The following DYRK1A variants were observed in gnomAD, a reference collection of about 807,000 sequenced individuals.
The protein encoded by DYRK1A is dual specificity tyrosine phosphorylation regulated kinase 1A.
A neutral mutation model predicts 79.7 loss-of-function variants in DYRK1A; 9 were observed. The observed-to-expected ratio is 0.11, with a 90% CI of 0.07 to 0.20. The LOEUF (loss-of-function observed/expected upper bound fraction) is 0.20. Among genes scored for constraint, DYRK1A ranks in the 10% least tolerant of loss-of-function variants. DYRK1A has a pLI of 1.00. For missense variants in DYRK1A, 622 were observed against 956.0 expected (o/e 0.65, Z 4.61); for synonymous variants, 349 against 329.7 (o/e 1.06, Z -0.63).
At chr21:37,476,722 T>C (rs2052403914) in intron 3 of DYRK1A, among the ~76,000 whole-genome samples, 2 of 151,598 alleles carry the variant, frequency 1.3e-5, no homozygotes, top group Non-Finnish European at 2.9e-5. Flanking sequence ...TTAGCTACTG[T>C]TTAGAAAAGT....
At chr21:37,462,803 G>C (rs2148530778) in intron 2 of DYRK1A, among the ~76,000 whole-genome samples, 1 of 152,260 alleles carries the variant, frequency 6.6e-6, no homozygotes, top group Non-Finnish European at 1.5e-5. Context: ...AAACCAGGGG[G>C]ATTGTAGGGC....
chr21:37,382,208 TTTTTTTTTTTAAAAAAAAAAATTAAA>T (rs2049671299), intron 1 of DYRK1A, among the ~76,000 whole-genome samples: 1 of 147,790 alleles, frequency 6.8e-6, no homozygotes, highest in Non-Finnish European at 1.5e-5. Context: ...GCTTGCTTTC[TTTTTTTTTTTAAAAAAAAAAATTAAA>T]TTTTTTTTTA....
At chr21:37,393,943 C>A (rs974206907) in intron 1 of DYRK1A, among the ~76,000 whole-genome samples, 5 of 152,320 alleles carry the variant, frequency 3.3e-5, no homozygotes, top group South Asian at 2.1e-4. Context: ...TTAAGACTTA[C>A]ACCTTGAACT....
chr21:37,464,435 A>G (rs2051956344), intron 2 of DYRK1A: 3 of 303,386 alleles, frequency 9.9e-6, no homozygotes. Flanking sequence ...GGTAAAAATG[A>G]TCCATACAGT....
At chr21:37,391,661 G>A (rs1413775863) in intron 1 of DYRK1A, among the ~76,000 whole-genome samples, 1 of 152,044 alleles carries the variant, frequency 6.6e-6, no homozygotes, top group Non-Finnish European at 1.5e-5. Flanking sequence ...AATCTTCCAC[G>A]ATTCTCCTTT....
chr21:37,412,403 C>T (rs2050261110), intron 1 of DYRK1A, among the ~76,000 whole-genome samples: 1 of 152,164 alleles, frequency 6.6e-6, no homozygotes, highest in Non-Finnish European at 1.5e-5. Flanking sequence ...CAGTAGTTCC[C>T]AAACTTCGCT....
intron 1 of DYRK1A, among the ~76,000 whole-genome samples, chr21:37,415,072 G>C (rs781197916): frequency 4.6e-5 from 7 of 152,200 alleles, no homozygotes; most frequent in Non-Finnish European, 1.0e-4. Context: ...GTGCATATGA[G>C]GCATTTCCCT....
chr21:37,453,716 TC>T (rs2051537019), intron 2 of DYRK1A, among the ~76,000 whole-genome samples: 1 of 152,202 alleles, frequency 6.6e-6, no homozygotes. Flanking sequence ...TTATAACTCT[TC>T]CTTCCCCACA....
chr21:37,444,123 A>G lies in DYRK1A; in HGVS notation c.10+23739A>G, dbSNP rs2051192113. On this transcript the variant is annotated intron_variant, in intron 2 of 11. Transcript: ENST00000647188. ...TCTTAAAAGCCACCTGCTGATGAGA[A>G]CCTCTGTTTAGAAGGTTTATCAGAT... 2.0e-5 allele frequency among the ~76,000 whole-genome samples: 3 copies of G among 151,860 alleles called. No individual in the cohort carries two copies. The South Asian group carries it at 6.3e-4, about 32-fold the overall frequency.
intron 6 of DYRK1A, 128 bp from the exon 7 acceptor site, chr21:37,490,046 TG>T (rs1459634815): frequency 1.2e-5 from 11 of 931,712 alleles, no homozygotes; most frequent in Non-Finnish European, 1.7e-5. Context: ...TACAAAATGC[TG>T]ATCTCCAAAC....
chr21:37,500,885 T>A (rs2053422337), intron 9 of DYRK1A, among the ~76,000 whole-genome samples: 2 of 151,812 alleles, frequency 1.3e-5, no homozygotes, highest in African/African-American at 2.4e-5. Flanking sequence ...GTTGATCAAG[T>A]TTATTAATCT....
At chr21:37,452,840 A>G (rs1209652462) in intron 2 of DYRK1A, among the ~76,000 whole-genome samples, 4 of 148,486 alleles carry the variant, frequency 2.7e-5, no homozygotes, top group Non-Finnish European at 4.4e-5. Context: ...TTTGGCCCAT[A>G]ATTTTTGCAT....
intron 1 of DYRK1A, among the ~76,000 whole-genome samples, chr21:37,397,825 C>G (rs958012737): frequency 4.6e-5 from 7 of 152,236 alleles, no homozygotes; most frequent in Admixed American, 2.0e-4. Context: ...CCTTAGCCAT[C>G]TGTGCCCCAA....
intron 1 of DYRK1A, among the ~76,000 whole-genome samples, chr21:37,395,291 G>C (rs1324574581): frequency 6.6e-6 from 1 of 152,188 alleles, no homozygotes; most frequent in Non-Finnish European, 1.5e-5. Context: ...GGATGTTACA[G>C]AGTTTGAAGA....
chr21:37,420,499 A>G, intron 2 of DYRK1A, 115 bp downstream of exon 2: 1 of 1,049,012 alleles, frequency 9.5e-7, no homozygotes, highest in Non-Finnish European at 1.5e-6. Context: ...GGAATTGTAG[A>G]TCAGTAAATG....
At chr21:37,509,168 T>C (rs923557822) in intron 11 of DYRK1A, among the ~76,000 whole-genome samples, 2 of 152,216 alleles carry the variant, frequency 1.3e-5, no homozygotes, top group Admixed American at 6.5e-5. Flanking sequence ...ACCAGTGTTA[T>C]TAGTTTATTA....
intron 4 of DYRK1A, among the ~76,000 whole-genome samples, chr21:37,479,612 GTTTTTTGTT>G (rs1440824542): frequency 5.7e-4 from 27 of 47,158 alleles, no homozygotes; most frequent in Non-Finnish European, 6.9e-4. Flanking sequence ...TTTTGTTTTT[GTTTTTTGTT>G]TTTTTTTTTT....
Position 37,367,189 on chromosome 21 carries a change from C to G in DYRK1A, c.-516C>G, listed in dbSNP as rs892747895. ...CTCGGGGGCGGGCGGTTCGGGCTCT[C>G]CTGGCGGAGGAGCCGCCGCCGCCGC... On this transcript the variant is annotated 5_prime_UTR_variant, in exon 1 of 12. Transcript: ENST00000647188. 3 of 151,638 alleles carry G rather than the reference C, an allele frequency of 2.0e-5. No individual in the cohort carries two copies. The highest frequency in any genetic ancestry group is 6.6e-5 in the Admixed American group (1 of 15,254). 9.4% of individuals were successfully genotyped at this position (151,638 alleles called of 1,614,324 possible).
chr21:37,412,946 C>A (rs1218286357), intron 1 of DYRK1A, among the ~76,000 whole-genome samples: 1 of 152,142 alleles, frequency 6.6e-6, no homozygotes, highest in Non-Finnish European at 1.5e-5. Flanking sequence ...ATTGAAAATA[C>A]TTCTTTTGCA....
Sources: gnomAD v4.1 joint callset for allele counts (sites outside exome capture counted in the v4.1 genomes callset) on GRCh38, gnomAD v4.1.1 for gene constraint, MANE v1.5 for transcripts, NCBI Gene and HGNC (gene_info 2026-07-23, HGNC 2026-07-21) for gene names.